CPNE4: variants seen among roughly 807,000 people sequenced by gnomAD.
CPNE4 encodes copine-4.
CPNE4 carries 25 observed loss-of-function variants against 67.9 expected under a neutral mutation model. The observed-to-expected ratio is 0.37, with a 90% confidence interval of 0.27 to 0.51. The LOEUF (loss-of-function observed/expected upper bound fraction) is 0.51. CPNE4 is among the 20% of genes least tolerant of loss of function. CPNE4 has a pLI of 0.93. For missense variants in CPNE4, 464 were observed against 690.8 expected, an observed-to-expected ratio of 0.67 and a Z score of 3.68; for synonymous variants, 242 against 244.9, an observed-to-expected ratio of 0.99 and a Z score of 0.11.
At chr3:131,652,390 T>C (rs74363288) in intron 7 of CPNE4, among the ~76,000 whole-genome samples, 6,719 of 152,276 alleles carry the variant, frequency 0.044, 499 homozygotes, top group African/African-American at 0.15. Context: ...TTTCTTAATG[T>C]TGTCTAATAT....
At chr3:131,940,967 C>T (rs1265492515) in intron 1 of CPNE4, among the ~76,000 whole-genome samples, 1 of 151,856 alleles carries the variant, frequency 6.6e-6, no homozygotes. Flanking sequence ...TCATGGACTC[C>T]GAGGAGTAGG....
intron 2 of CPNE4, among the ~76,000 whole-genome samples, chr3:131,862,232 T>C (rs1018474017): frequency 2.6e-5 from 4 of 152,150 alleles, no homozygotes; most frequent in African/African-American, 7.2e-5. Flanking sequence ...CTCTCATAAT[T>C]CCTATCCTGA....
At chr3:131,727,708 C>T (rs896782707) in intron 2 of CPNE4, among the ~76,000 whole-genome samples, 3 of 152,104 alleles carry the variant, frequency 2.0e-5, no homozygotes, top group Non-Finnish European at 2.9e-5. Context: ...GTGAGCATAT[C>T]CATGCACCCA....
chr3:131,654,770 A>G (rs1449843763), intron 7 of CPNE4, among the ~76,000 whole-genome samples: 3 of 152,220 alleles, frequency 2.0e-5, no homozygotes, highest in Non-Finnish European at 4.4e-5. Flanking sequence ...AGTGGTTCTC[A>G]ACAAGGGTGA....
chr3:131,623,275 G>A (rs568435752), intron 7 of CPNE4, among the ~76,000 whole-genome samples: 1 of 152,012 alleles, frequency 6.6e-6, no homozygotes, highest in African/African-American at 2.4e-5. Flanking sequence ...CAAGACAGAT[G>A]GAGTGTGCTG....
intron 3 of CPNE4, among the ~76,000 whole-genome samples, chr3:131,717,911 TTTC>T (rs2081763752): frequency 6.9e-6 from 1 of 144,186 alleles, no homozygotes; most frequent in African/African-American, 2.5e-5. Context: ...TCTTTCTTTC[TTTC>T]TTTCTTTCTT....
At chr3:131,996,788 G>A (rs1420846804) in intron 1 of CPNE4, among the ~76,000 whole-genome samples, 2 of 152,036 alleles carry the variant, frequency 1.3e-5, no homozygotes, top group Non-Finnish European at 2.9e-5. Flanking sequence ...AGGATAATGA[G>A]GGAATGGCCA....
intron 2 of CPNE4, among the ~76,000 whole-genome samples, chr3:131,790,639 A>G (rs1161493643): frequency 6.6e-6 from 1 of 152,014 alleles, no homozygotes; most frequent in East Asian, 1.9e-4. Flanking sequence ...CTGTGGCATC[A>G]CCTCATCTGA....
Position 131,566,448 on chromosome 3 carries a change from A to C in CPNE4, c.928-2099T>G, listed in dbSNP as rs547515282. Among the ~76,000 whole-genome samples, 16 of 151,812 alleles carry C rather than the reference A, an allele frequency of 1.1e-4. No individual in the cohort carries two copies. The East Asian group carries it at 3.1e-3, about 30-fold the overall frequency. On this transcript the variant is annotated intron_variant, in intron 10 of 15. Coordinates refer to ENST00000429747, the MANE Select transcript of CPNE4 (RefSeq NM_130808.3). ...CCCACCAGGAAAAAAAAAAAAAAGT[A>C]AGACCATAGGTGAGGCCCTTTTAAT...
chr3:131,900,850 T>TG, intron 2 of CPNE4, among the ~76,000 whole-genome samples: 1 of 152,160 alleles, frequency 6.6e-6, no homozygotes, highest in South Asian at 2.1e-4. Context: ...TACCAACAAC[T>TG]CACCAAAGCC....
At chr3:131,740,656 T>C (rs1328923569) in intron 2 of CPNE4, among the ~76,000 whole-genome samples, 3 of 152,216 alleles carry the variant, frequency 2.0e-5, no homozygotes, top group Admixed American at 6.5e-5. Context: ...TCTTAGCTAG[T>C]ACCCCTTCAC....
chr3:131,863,043 A>C (rs111901132), intron 2 of CPNE4, among the ~76,000 whole-genome samples: 9,801 of 148,984 alleles, frequency 0.066, 458 homozygotes, highest in East Asian at 0.14. Context: ...TGAACTCATC[A>C]TTTTTTATGG....
At chr3:131,689,724 A>G (rs2080985894) in intron 5 of CPNE4, among the ~76,000 whole-genome samples, 1 of 152,180 alleles carries the variant, frequency 6.6e-6, no homozygotes, top group Admixed American at 6.6e-5. Context: ...AGAGCACTCA[A>G]GCAAGAGAAA....
Position 131,993,897 on chromosome 3 carries a change from A to G in CPNE4, c.-2+40670T>C, listed in dbSNP as rs77825811. On this transcript the variant is annotated intron_variant, in intron 1 of 15. Transcript: ENST00000429747. ...AGAAACAATGCTGTCTCTGTCCTCA[A>G]ATAAAATGATTATTTACATAGAAAA... Among the ~76,000 whole-genome samples, 430 of 136,200 alleles carry G rather than the reference A, an allele frequency of 3.2e-3. 34 individuals carry two copies. Among genetic ancestry groups the G allele is most frequent in the African/African-American group, 9.7e-3 (397 of 40,800 alleles). 89.4% of individuals were successfully genotyped at this position (136,200 alleles called of 152,430 possible).
At chr3:131,588,838 G>A (rs1333131114) in intron 7 of CPNE4, among the ~76,000 whole-genome samples, 1 of 152,080 alleles carries the variant, frequency 6.6e-6, no homozygotes, top group Non-Finnish European at 1.5e-5. Context: ...CAGCACTTCT[G>A]TCTATTCCTA....
chr3:131,915,262 A>G (rs2089142249), intron 1 of CPNE4, among the ~76,000 whole-genome samples: 1 of 152,192 alleles, frequency 6.6e-6, no homozygotes, highest in Non-Finnish European at 1.5e-5. Flanking sequence ...AGACCATGCC[A>G]AGGCAAACTT....
At chr3:131,793,087 C>T (rs2083822681) in intron 2 of CPNE4, among the ~76,000 whole-genome samples, 1 of 151,904 alleles carries the variant, frequency 6.6e-6, no homozygotes, top group African/African-American at 2.4e-5. Flanking sequence ...TTTCCCATAC[C>T]CCAAAATCTA....
At chr3:131,549,818 A>T in intron 14 of CPNE4, 129 bp downstream of exon 14, 1 of 1,032,720 alleles carries the variant, frequency 9.7e-7, no homozygotes, top group Non-Finnish European at 1.4e-6. Context: ...GGAGGAGGTT[A>T]AGTCATTTGT....
chr3:131,792,892 A>AGTGTGT (rs1553772420), intron 2 of CPNE4, among the ~76,000 whole-genome samples: 1,822 of 127,934 alleles, frequency 0.014, 48 homozygotes, highest in East Asian at 0.076. Flanking sequence ...AGGTATTTCC[A>AGTGTGT]GTGTGTGTGT....
Sources: allele counts gnomAD v4.1 joint callset (sites outside exome capture counted in the v4.1 genomes callset), GRCh38; gene constraint gnomAD v4.1.1; transcripts MANE v1.5; gene names NCBI Gene and HGNC (gene_info 2026-07-23, HGNC 2026-07-21).